The following GPC5 variants were observed in gnomAD, a reference collection of about 807,000 sequenced individuals.
GPC5 encodes glypican 5.
In GPC5, 47 loss-of-function variants were observed where a neutral mutation model predicts 53.9. The ratio of observed to expected loss-of-function variants is 0.87; its 90% CI spans 0.69 to 1.11. The LOEUF is 1.11. Among genes scored for constraint, GPC5 ranks in the 50% most tolerant of loss-of-function variants. The pLI is 0.00. For synonymous variants in GPC5, 286 were observed against 263.3 expected, an observed-to-expected ratio of 1.09 and a Z score of -0.84; for missense variants, 748 against 713.1, an observed-to-expected ratio of 1.05 and a Z score of -0.56.
In GPC5 at chr13:92,385,461, C is replaced by CATATAT. The variant is rs2043792066; in HGVS notation, c.1561+240473_1561+240474insTATATA. ...ACATATATACATATATACATATATACACATATATACATATATACATATATA... is the reference window on the plus strand; with the variant it reads ...ACATATATACATATATACATATATACATATATACATATATACATATATACATATATA... On this transcript the variant is annotated intron_variant, in intron 7 of 7. Coordinates refer to ENST00000377067, the MANE Select transcript of GPC5 (RefSeq NM_004466.6). Among the ~76,000 whole-genome samples, 15 of 70,432 alleles carry CATATAT rather than the reference C, an allele frequency of 2.1e-4. No homozygotes were observed. The East Asian group carries it at 4.0e-3, about 19-fold the overall frequency. 46.2% of individuals were successfully genotyped at this position (70,432 alleles called of 152,430 possible). A position where few individuals can be genotyped will look rare whatever the true frequency, so the allele number is the denominator to read the frequency against.
chr13:91,634,305 A>G (rs1284416755), intron 2 of GPC5, among the ~76,000 whole-genome samples: 1 of 152,086 alleles, frequency 6.6e-6, no homozygotes, highest in Non-Finnish European at 1.5e-5. Context: ...TCGAATGACA[A>G]CTGGTCTTTG....
At chr13:92,116,896 GTTTC>G (rs971224016) in intron 6 of GPC5, among the ~76,000 whole-genome samples, 10 of 152,048 alleles carry the variant, frequency 6.6e-5, no homozygotes, top group South Asian at 4.1e-4. Context: ...TGGGTTGATG[GTTTC>G]TTTATTAAGT....
intron 6 of GPC5, among the ~76,000 whole-genome samples, chr13:92,032,183 T>G (rs1425680160): frequency 6.7e-6 from 1 of 149,746 alleles, no homozygotes; most frequent in Non-Finnish European, 1.5e-5. Flanking sequence ...AACTCAGGAA[T>G]GGAAAACCAA....
At chr13:92,693,301 G>C (rs1390470286) in intron 7 of GPC5, among the ~76,000 whole-genome samples, 2 of 152,152 alleles carry the variant, frequency 1.3e-5, no homozygotes, top group South Asian at 2.1e-4. Flanking sequence ...ATTGGAACTG[G>C]GTAATGGACA....
chr13:92,332,551 T>C (rs1163907142), intron 7 of GPC5, among the ~76,000 whole-genome samples: 1 of 152,196 alleles, frequency 6.6e-6, no homozygotes, highest in East Asian at 1.9e-4. Flanking sequence ...AAGTACTCAA[T>C]AGAAATATTG....
At chr13:92,541,667 T>G (rs1370816704) in intron 7 of GPC5, among the ~76,000 whole-genome samples, 3 of 151,840 alleles carry the variant, frequency 2.0e-5, no homozygotes, top group African/African-American at 7.3e-5. Context: ...ATGAAAAGTG[T>G]TTTTGGAGAA....
Position 92,793,855 on chromosome 13 carries a change from A to T in GPC5, c.1562-72427A>T, listed in dbSNP as rs951973465. On this transcript the variant is annotated intron_variant, in intron 7 of 7. Transcript: ENST00000377067. ...CCAGGAAGAAGTTGAATCCCTGAATAGACCAATAACAGGCTCTGAAATTGA... is the reference window on the plus strand; with the variant it reads ...CCAGGAAGAAGTTGAATCCCTGAATTGACCAATAACAGGCTCTGAAATTGA... Among the ~76,000 whole-genome samples the T allele has an allele frequency of 1.3e-4, 20 of 152,336 alleles. 1 individual carries two copies. In the South Asian group the frequency reaches 3.1e-3, roughly 24 times the overall value.
At chr13:91,598,436 A>G (rs2033070662) in intron 2 of GPC5, among the ~76,000 whole-genome samples, 1 of 152,072 alleles carries the variant, frequency 6.6e-6, no homozygotes, top group African/African-American at 2.4e-5. Context: ...AGTGCAGAAA[A>G]TGAGTATCTG....
chr13:92,455,519 C>A (rs1878229542), intron 7 of GPC5, among the ~76,000 whole-genome samples: 1 of 152,062 alleles, frequency 6.6e-6, no homozygotes, highest in South Asian at 2.1e-4. Flanking sequence ...CCATGTAACA[C>A]AAAAACACAC....
intron 5 of GPC5, among the ~76,000 whole-genome samples, chr13:91,869,659 G>A (rs185225155): frequency 3.1e-4 from 47 of 152,112 alleles, no homozygotes; most frequent in African/African-American, 9.6e-4. Context: ...GTATTAGACC[G>A]TTCTCACATT....
At chr13:91,555,562 A>T (rs569974378) in intron 2 of GPC5, among the ~76,000 whole-genome samples, 1 of 152,186 alleles carries the variant, frequency 6.6e-6, no homozygotes, top group East Asian at 1.9e-4. Context: ...TAGATTTGTC[A>T]ACCTCTTTCT....
chr13:92,249,366 C>A (rs1163044566), intron 7 of GPC5, among the ~76,000 whole-genome samples: 1 of 152,008 alleles, frequency 6.6e-6, no homozygotes, highest in Non-Finnish European at 1.5e-5. Context: ...ACAGATGCTA[C>A]GGAGGCCAAT....
Position 92,700,255 on chromosome 13 carries a change from A to ATTTT in GPC5, c.1562-166010_1562-166007dup, listed in dbSNP as rs36058737. Among the ~76,000 whole-genome samples, 87 of 103,606 alleles carry ATTTT rather than the reference A, an allele frequency of 8.4e-4. 1 individual carries two copies. Among genetic ancestry groups the ATTTT allele is most frequent in the South Asian group, 2.2e-3 (7 of 3,224 alleles). The allele number at this position is 103,606 out of a possible 152,430, so 68.0% of individuals were successfully genotyped here. A position where few individuals can be genotyped will look rare whatever the true frequency, so the allele number is the denominator to read the frequency against. On this transcript the variant is annotated intron_variant, in intron 7 of 7. Transcript: ENST00000377067. ...CAGAGACTGGGATTGCAACCCCTGC[A>ATTTT]TTTTTTTTTTTTTTTTTTTTGGCTT... is the stretch of plus-strand genomic sequence containing the variant.
At chr13:92,099,552 C>A (rs7993987) in intron 6 of GPC5, among the ~76,000 whole-genome samples, 74,693 of 151,956 alleles carry the variant, frequency 0.49, 19,208 homozygotes, top group East Asian at 0.79. Flanking sequence ...TTGCTTTGTG[C>A]CCTCTTGTTT....
intron 7 of GPC5, among the ~76,000 whole-genome samples, chr13:92,214,974 C>T (rs1038375456): frequency 3.3e-5 from 5 of 152,120 alleles, no homozygotes; most frequent in African/African-American, 7.2e-5. Context: ...GCTCTTGAGC[C>T]GCCAAGAGAA....
chr13:91,482,546 A>G (rs1883363985), intron 2 of GPC5, among the ~76,000 whole-genome samples: 1 of 152,210 alleles, frequency 6.6e-6, no homozygotes, highest in Non-Finnish European at 1.5e-5. Context: ...GAAATAGATA[A>G]CAGACTCAAT....
chr13:91,400,224 A>G (rs1876832146), intron 1 of GPC5, among the ~76,000 whole-genome samples: 1 of 152,194 alleles, frequency 6.6e-6, no homozygotes, highest in Non-Finnish European at 1.5e-5. Context: ...GCTTAAGTCT[A>G]AAGTCCCGAG....
chr13:92,123,619 T>C (rs1041593515), intron 6 of GPC5, among the ~76,000 whole-genome samples: 1 of 152,162 alleles, frequency 6.6e-6, no homozygotes, highest in African/African-American at 2.4e-5. Flanking sequence ...GACCTTTTGG[T>C]GTTCATTTTG....
chr13:91,402,768 C>G (rs1274772869), intron 1 of GPC5, among the ~76,000 whole-genome samples: 1 of 152,034 alleles, frequency 6.6e-6, no homozygotes, highest in Non-Finnish European at 1.5e-5. Flanking sequence ...AATTTTAGAT[C>G]TTTATATATC....
Sources: allele counts gnomAD v4.1 joint callset (sites outside exome capture counted in the v4.1 genomes callset), GRCh38; gene constraint gnomAD v4.1.1; transcripts MANE v1.5; gene names NCBI Gene and HGNC (gene_info 2026-07-23, HGNC 2026-07-21).